Variants in AAGAB observed in about 807,000 individuals in gnomAD.
AAGAB encodes the protein alpha- and gamma-adaptin-binding protein p34.
A neutral mutation model predicts 44.1 loss-of-function variants in AAGAB; 38 were observed. The ratio of observed to expected loss-of-function variants is 0.86; its 90% CI spans 0.67 to 1.13. The LOEUF (loss-of-function observed/expected upper bound fraction) is 1.13, where lower values mean the gene tolerates loss of function less well. Ranked by LOEUF, AAGAB falls within the 50% of genes most tolerant of loss-of-function variation. The pLI is 0.00. For synonymous variants in AAGAB, 131 were observed against 131.8 expected (o/e 0.99, Z 0.04); for missense variants, 450 against 373.8 (o/e 1.20, Z -1.68).
In AAGAB at chr15:67,216,456, A is replaced by C. The variant is rs1179276269; in HGVS notation, c.536-6912T>G. On this transcript the variant is annotated intron_variant, in intron 5 of 9. Transcript: ENST00000261880. ...GACTCACTCTTGAAAAAAAAAAAAA[A>C]AAAAAAAAAAAACAAGAAGAAAATT... Among the ~76,000 whole-genome samples the C allele has an allele frequency of 1.8e-3, 269 of 147,490 alleles. 3 individuals carry two copies. Among genetic ancestry groups the C allele is most frequent in the Admixed American group, 5.2e-3 (78 of 14,956 alleles).
At chr15:67,236,154 T>C in intron 3 of AAGAB, 86 bp from the exon 4 acceptor site, 1 of 1,108,360 alleles carries the variant, frequency 9.0e-7, no homozygotes, top group Admixed American at 2.0e-5. Context: ...AATCTCAATG[T>C]GTTTCCCTTA....
At chr15:67,255,092 C>A, upstream of AAGAB, 1 of 762,614 alleles carries the variant, frequency 1.3e-6, no homozygotes, top group Non-Finnish European at 2.3e-6. Flanking sequence ...CAAAAATGCC[C>A]ACCCAGACCT....
intron 5 of AAGAB, among the ~76,000 whole-genome samples, chr15:67,228,632 C>A (rs898874644): frequency 6.6e-6 from 1 of 152,048 alleles, no homozygotes; most frequent in Non-Finnish European, 1.5e-5. Context: ...CAGTATACAC[C>A]CAAAGGAATG....
chr15:67,236,315 G>C, intron 3 of AAGAB, 93 bp downstream of exon 3: 1 of 1,195,616 alleles, frequency 8.4e-7, no homozygotes. Flanking sequence ...AGTCACATGG[G>C]ATGTATGTCC....
At chr15:67,230,894 C>T (rs944105116) in intron 5 of AAGAB, among the ~76,000 whole-genome samples, 4 of 152,192 alleles carry the variant, frequency 2.6e-5, no homozygotes, top group Non-Finnish European at 4.4e-5. Flanking sequence ...CTGCACACCA[C>T]CTTCTTTGCA....
In AAGAB at chr15:67,243,411, T is replaced by G. The variant is rs143354319; in HGVS notation, c.74-6591A>C. 1.7e-4 allele frequency among the ~76,000 whole-genome samples: 26 copies of G among 152,296 alleles called. No homozygotes were observed. The Middle Eastern group carries it at 0.027, about 159-fold the overall frequency. ...GGGTAGGGCACTTCTCTGAATTCCATTGCTAGTTCTAAATATACCCCTAAA... is the reference window on the plus strand; with the variant it reads ...GGGTAGGGCACTTCTCTGAATTCCAGTGCTAGTTCTAAATATACCCCTAAA... On this transcript the variant is annotated intron_variant, in intron 1 of 9. Transcript: ENST00000261880.
intron 1 of AAGAB, chr15:67,254,345 A>G: frequency 1.5e-6 from 2 of 1,323,408 alleles, no homozygotes; most frequent in South Asian, 1.8e-5. Flanking sequence ...TTACACAGGA[A>G]GCCGAAAGGA....
chr15:67,203,652 G>A (rs944284632), intron 8 of AAGAB, 55 bp from the exon 9 acceptor site: 7 of 1,455,462 alleles, frequency 4.8e-6, no homozygotes, highest in Admixed American at 1.7e-5. Context: ...ATAACCTGGA[G>A]TATATGAATA....
intron 1 of AAGAB, among the ~76,000 whole-genome samples, chr15:67,246,912 C>T (rs1167654594): frequency 6.6e-6 from 1 of 152,224 alleles, no homozygotes; most frequent in African/African-American, 2.4e-5. Context: ...CCCAAGCCAG[C>T]AGCAGCAACC....
chr15:67,243,167 G>C (rs984309500), intron 1 of AAGAB, among the ~76,000 whole-genome samples: 1 of 151,926 alleles, frequency 6.6e-6, no homozygotes, highest in African/African-American at 2.4e-5. Context: ...GGGGGTTGTG[G>C]GGGGGTCTCT....
intron 9 of AAGAB, 151 bp downstream of exon 9, chr15:67,203,397 T>C (rs1963612165): frequency 1.4e-6 from 1 of 714,930 alleles, no homozygotes; most frequent in Non-Finnish European, 2.2e-6. Context: ...ACTATACTAT[T>C]ACTGTATAAA....
At position 67,236,683 on chromosome 15, in the gene AAGAB, C is replaced by T. The variant is rs1317710714; in HGVS notation, c.211G>A (p.Ala71Thr). Residue 71 changes from alanine (A) to threonine (T), a missense_variant, in exon 2 of 10, where the codon GCA becomes ACA. Physicochemically the swap from Ala to Thr is moderately conservative, Grantham distance 58. Coordinates refer to ENST00000261880, the MANE Select transcript of AAGAB (RefSeq NM_024666.5). Reference sequence around the variant, plus strand: ...GCTTGGACAGATTCTGCAATCTCTGCAGTAACAAGAAATTTGTTTGGCACC... The same window carrying T: ...GCTTGGACAGATTCTGCAATCTCTGTAGTAACAAGAAATTTGTTTGGCACC... ...CVVPNKFLVT[A>T]EIAESVQAFV... 1 of 1,614,058 alleles carries T rather than the reference C, an allele frequency of 6.2e-7. No homozygotes were observed.
rs150337582 is a variant in AAGAB, at chr15:67,239,575, T to C, written c.74-2755A>G. Among the ~76,000 whole-genome samples the C allele has an allele frequency of 8.4e-4, 128 of 152,334 alleles. No individual in the cohort carries two copies. The East Asian group carries it at 0.021, about 25-fold the overall frequency. On this transcript the variant is annotated intron_variant, in intron 1 of 9. Transcript: ENST00000261880. ...TATTCTCTGTGCTGCCTAAAACAAGTTGATAGCTCAATTTACTTATCAGAT... is the reference window on the plus strand; with the variant it reads ...TATTCTCTGTGCTGCCTAAAACAAGCTGATAGCTCAATTTACTTATCAGAT...
chr15:67,246,051 G>A (rs1159068393), intron 1 of AAGAB, among the ~76,000 whole-genome samples: 1 of 152,092 alleles, frequency 6.6e-6, no homozygotes, highest in Non-Finnish European at 1.5e-5. Context: ...ATAGGTTTTT[G>A]TTACTGAACC....
At chr15:67,234,630 A>G (rs1290731956) in intron 4 of AAGAB, among the ~76,000 whole-genome samples, 1 of 152,244 alleles carries the variant, frequency 6.6e-6, no homozygotes, top group East Asian at 1.9e-4. Context: ...GATTAAGCTG[A>G]ATGAATACAA....
chr15:67,246,824 T>C (rs540409386), intron 1 of AAGAB, among the ~76,000 whole-genome samples: 2 of 152,052 alleles, frequency 1.3e-5, no homozygotes, highest in African/African-American at 4.8e-5. Flanking sequence ...GGATTGTAAA[T>C]GCACCAATCA....
chr15:67,236,163 T>A, intron 3 of AAGAB, 95 bp from the exon 4 acceptor site: 2 of 1,038,104 alleles, frequency 1.9e-6, no homozygotes, highest in Non-Finnish European at 1.4e-6. Context: ...GTGTTTCCCT[T>A]AATGTCAATG....
Position 67,236,006 on chromosome 15 carries a change from T to C in AAGAB, c.424A>G (p.Ser142Gly), listed in dbSNP as rs1345837208. 1 of 1,613,446 alleles carries C rather than the reference T, an allele frequency of 6.2e-7. No individual in the cohort carries two copies. The highest frequency in any genetic ancestry group is 1.7e-5 in the Admixed American group (1 of 59,966). Reference protein sequence around the residue: ...IKHGFELVELSPEELPEEDDD... With the variant: ...IKHGFELVELGPEELPEEDDD... ...TCCTCCTCAGGCAACTCCTCTGGAC[T>C]AAGTTCTACCAATTCAAAGCCATGT... The change falls in exon 4 of 10, where the codon AGT becomes GGT. Residue 142 changes from serine (S) to glycine (G), a missense_variant. Physicochemically the swap from Ser to Gly is moderately conservative, Grantham distance 56 (BLOSUM62 0). Coordinates refer to ENST00000261880, the MANE Select transcript of AAGAB (RefSeq NM_024666.5).
chr15:67,245,530 A>C (rs893500366), intron 1 of AAGAB, among the ~76,000 whole-genome samples: 2 of 152,216 alleles, frequency 1.3e-5, no homozygotes, highest in African/African-American at 4.8e-5. Flanking sequence ...ATGTTCTACA[A>C]TCAGATTGTA....
Sources: allele counts gnomAD v4.1 joint callset (sites outside exome capture counted in the v4.1 genomes callset), GRCh38; gene constraint gnomAD v4.1.1; transcripts MANE v1.5; gene names NCBI Gene and HGNC (gene_info 2026-07-23, HGNC 2026-07-21).